SNX2: variants seen among roughly 807,000 people sequenced by gnomAD.
SNX2 encodes sorting nexin 2, also known as sorting nexin-2.
SNX2 carries 25 observed loss-of-function variants against 69.9 expected under a neutral mutation model. The ratio of observed to expected loss-of-function variants is 0.36; its 90% CI spans 0.26 to 0.50. The LOEUF (loss-of-function observed/expected upper bound fraction) is 0.50. Ranked by LOEUF, SNX2 falls within the 20% of genes least tolerant of loss-of-function variation. The probability of loss-of-function intolerance (pLI) is 0.97; values close to 1 mark genes in which losing one functional copy is unlikely to be tolerated. For synonymous variants in SNX2, 229 were observed against 200.4 expected (o/e 1.14, Z -1.20); for missense variants, 551 against 613.3 (o/e 0.90, Z 1.07).
At chr5:122,806,142 G>GCACACGCACACACACACACACGCACACA (rs1554063176) in intron 6 of SNX2, among the ~76,000 whole-genome samples, 7 of 130,584 alleles carry the variant, frequency 5.4e-5, no homozygotes, top group Non-Finnish European at 8.2e-5. Context: ...ACACGCGCGC[G>GCACACGCACACACACACACACGCACACA]CACACACACA....
In SNX2 at chr5:122,823,319, C is replaced by T. The variant is rs570536639; in HGVS notation, c.1213-2731C>T. Among the ~76,000 whole-genome samples, 155 of 150,170 alleles carry T rather than the reference C, an allele frequency of 1.0e-3. 1 individual carries two copies. Among genetic ancestry groups the T allele is most frequent in the African/African-American group, 3.6e-3 (145 of 40,500 alleles). On this transcript the variant is annotated intron_variant, in intron 11 of 14. Coordinates refer to ENST00000379516, the MANE Select transcript of SNX2 (RefSeq NM_003100.4). ...TTTGTTACAAAGGAAAGAAAACAAA[C>T]GAAGAAAAAGTTAATTTGTATATTT...
intron 6 of SNX2, among the ~76,000 whole-genome samples, chr5:122,807,336 C>G (rs1430290073): frequency 6.6e-6 from 1 of 152,124 alleles, no homozygotes; most frequent in Non-Finnish European, 1.5e-5. Context: ...TTACCACAGT[C>G]AATTTTAGAA....
intron 1 of SNX2, among the ~76,000 whole-genome samples, chr5:122,781,931 C>G (rs1235056965): frequency 1.3e-5 from 2 of 152,034 alleles, no homozygotes; most frequent in Non-Finnish European, 2.9e-5. Context: ...CTACATTTCA[C>G]TATTACCTAT....
chr5:122,798,552 A>G (rs1037823979), intron 2 of SNX2, among the ~76,000 whole-genome samples: 1 of 152,138 alleles, frequency 6.6e-6, no homozygotes, highest in Non-Finnish European at 1.5e-5. Context: ...CATTACCACC[A>G]TCTTGAACCT....
chr5:122,805,119 C>T (rs1753608431), intron 6 of SNX2, among the ~76,000 whole-genome samples: 1 of 151,680 alleles, frequency 6.6e-6, no homozygotes, highest in Admixed American at 6.6e-5. Flanking sequence ...CGGTGAAACC[C>T]TGTCTCTACA....
At chr5:122,787,525 A>G (rs1753115813) in intron 1 of SNX2, among the ~76,000 whole-genome samples, 1 of 152,038 alleles carries the variant, frequency 6.6e-6, no homozygotes, top group South Asian at 2.1e-4. Flanking sequence ...CCCCCCCCAA[A>G]AAAAAAAGAA....
At chr5:122,785,409 A>C (rs2150001421) in intron 1 of SNX2, among the ~76,000 whole-genome samples, 1 of 151,920 alleles carries the variant, frequency 6.6e-6, no homozygotes, top group Non-Finnish European at 1.5e-5. Context: ...TGGCCTCCCA[A>C]AATGCTGGAA....
intron 5 of SNX2, among the ~76,000 whole-genome samples, 157 bp downstream of exon 5, chr5:122,802,281 G>C (rs912017152): frequency 1.3e-5 from 2 of 152,164 alleles, no homozygotes; most frequent in African/African-American, 4.8e-5. Flanking sequence ...TGAGTGGTTT[G>C]ATATGTAGTG....
chr5:122,810,399 T>TAAAAAA (rs928838303), intron 7 of SNX2, among the ~76,000 whole-genome samples: 5 of 122,448 alleles, frequency 4.1e-5, no homozygotes, highest in Non-Finnish European at 7.0e-5. Flanking sequence ...AATGATCAAT[T>TAAAAAA]AAAAAAAAAA....
At chr5:122,792,095 G>GA (rs1200114519) in intron 1 of SNX2, among the ~76,000 whole-genome samples, 1 of 152,222 alleles carries the variant, frequency 6.6e-6, no homozygotes, top group African/African-American at 2.4e-5. Flanking sequence ...AAGTTAAAGA[G>GA]AGGCCCACTT....
intron 11 of SNX2, among the ~76,000 whole-genome samples, chr5:122,819,997 T>C (rs1438395488): frequency 6.6e-6 from 1 of 152,228 alleles, no homozygotes; most frequent in Non-Finnish European, 1.5e-5. Context: ...GTTTTAAATG[T>C]TCCTAATGCT....
At chr5:122,798,762 AT>A (rs765854675) in intron 2 of SNX2, among the ~76,000 whole-genome samples, 1 of 151,314 alleles carries the variant, frequency 6.6e-6, no homozygotes, top group Non-Finnish European at 1.5e-5. Flanking sequence ...TTCTTTCTTC[AT>A]TTTTTCTCTA....
At chr5:122,785,285 T>C (rs1448564042) in intron 1 of SNX2, among the ~76,000 whole-genome samples, 1 of 151,594 alleles carries the variant, frequency 6.6e-6, no homozygotes, top group African/African-American at 2.4e-5. Context: ...TTTTTTGTTG[T>C]TGTTGTTAAT....
In SNX2 at chr5:122,801,862, T is replaced by C; in HGVS notation, c.391-7T>C. 1 of 1,538,274 alleles carries C rather than the reference T, an allele frequency of 6.5e-7. No individual in the cohort carries two copies. The highest frequency in any genetic ancestry group is 2.3e-5 in the East Asian group (1 of 44,310). On this transcript the variant is annotated splice_region_variant and splice_polypyrimidine_tract_variant and intron_variant, in intron 3 of 14. Transcript: ENST00000379516. Reference sequence around the variant, plus strand: ...TTTAATGCCAAAAAATAATTTATACTTTCTAGATTGAAGAAGAAGCAAATG... The same window carrying C: ...TTTAATGCCAAAAAATAATTTATACCTTCTAGATTGAAGAAGAAGCAAATG...
At chr5:122,815,135 GTAA>G (rs751517195) in intron 7 of SNX2, among the ~76,000 whole-genome samples, 16 of 152,140 alleles carry the variant, frequency 1.1e-4, no homozygotes, top group Non-Finnish European at 2.2e-4. Context: ...GTCATGATTG[GTAA>G]TTTATTATGG....
chr5:122,818,760 A>G (rs750866283), intron 10 of SNX2, 58 bp from the exon 11 acceptor site: 8 of 1,416,492 alleles, frequency 5.6e-6, no homozygotes, highest in Non-Finnish European at 6.8e-6. Context: ...AAATCAATAC[A>G]ATATTTTAAA....
chr5:122,775,408 C>A, intron 1 of SNX2, 197 bp downstream of exon 1: 1 of 1,274,592 alleles, frequency 7.8e-7, no homozygotes, highest in East Asian at 3.2e-5. Flanking sequence ...AGGAGAGCAG[C>A]CTGCGGCCCG....
At chr5:122,795,651 A>C (rs1216295690) in intron 2 of SNX2, 3 of 269,474 alleles carry the variant, frequency 1.1e-5, no homozygotes, top group Non-Finnish European at 2.1e-5. Flanking sequence ...TTAGATGCAA[A>C]AGACTAATCA....
rs1754302153 is a variant in SNX2 at position 122,832,018 on chromosome 5, T to A, written c.*2370T>A. On this transcript the variant is annotated 3_prime_UTR_variant, in exon 15 of 15. Transcript: ENST00000379516. The stretch of plus-strand genomic sequence containing the variant: ...CACTTCACCCATCAATCTTCACTTC[T>A]CCTGTTCAGATAAAAATGCTTTCAT... Among the ~76,000 whole-genome samples the A allele has an allele frequency of 6.6e-6, 1 of 152,184 alleles. No homozygotes were observed.
Sources: allele counts gnomAD v4.1 joint callset (sites outside exome capture counted in the v4.1 genomes callset), GRCh38; gene constraint gnomAD v4.1.1; transcripts MANE v1.5; gene names NCBI Gene and HGNC (gene_info 2026-07-23, HGNC 2026-07-21).